Variants in ABLIM2 observed in about 807,000 individuals in gnomAD.
The protein encoded by ABLIM2 is actin binding LIM protein family member 2.
ABLIM2 carries 53 observed loss-of-function variants against 97.7 expected under a neutral mutation model. That is an observed-to-expected ratio of 0.54 (90% CI 0.44 to 0.68). ABLIM2 has a LOEUF of 0.68. ABLIM2 is among the 30% of genes least tolerant of loss of function. ABLIM2 has a pLI of 0.00. For synonymous variants in ABLIM2, 361 were observed against 345.8 expected, an observed-to-expected ratio of 1.04 and a Z score of -0.49; for missense variants, 835 against 867.2, an observed-to-expected ratio of 0.96 and a Z score of 0.47.
At chr4:8,059,079 C>T (rs558075984) in intron 7 of ABLIM2, among the ~76,000 whole-genome samples, 4 of 152,128 alleles carry the variant, frequency 2.6e-5, no homozygotes, top group South Asian at 2.1e-4. Flanking sequence ...TCTTCCTTAC[C>T]GGTTTTAATG....
chr4:8,048,460 C>A (rs924189100), intron 8 of ABLIM2, among the ~76,000 whole-genome samples: 6 of 152,124 alleles, frequency 3.9e-5, no homozygotes, highest in Admixed American at 2.0e-4. Flanking sequence ...ATGGTCTGAC[C>A]CCTCTCATCT....
At chr4:8,079,457 G>A (rs1048313964) in intron 5 of ABLIM2, among the ~76,000 whole-genome samples, 4 of 152,144 alleles carry the variant, frequency 2.6e-5, no homozygotes, top group East Asian at 1.9e-4. Flanking sequence ...CACACCGGGC[G>A]GTCCCTGGAT....
At chr4:7,969,805 G>A (rs1161581990) in intron 20 of ABLIM2, among the ~76,000 whole-genome samples, 1 of 149,676 alleles carries the variant, frequency 6.7e-6, no homozygotes, top group Non-Finnish European at 1.5e-5. Flanking sequence ...GAGGCCCTCA[G>A]CCGCCTGCTG....
intron 1 of ABLIM2, among the ~76,000 whole-genome samples, chr4:8,141,473 C>T (rs1280315414): frequency 6.6e-6 from 1 of 152,216 alleles, no homozygotes; most frequent in Non-Finnish European, 1.5e-5. Context: ...CAAACACATG[C>T]ACCAACATTT....
chr4:8,038,004 G>C (rs2151501379), intron 9 of ABLIM2, among the ~76,000 whole-genome samples: 1 of 152,258 alleles, frequency 6.6e-6, no homozygotes, highest in African/African-American at 2.4e-5. Context: ...CTGGCTCTGG[G>C]CTCCCCAGGA....
chr4:8,133,697 G>C (rs1160041617), intron 1 of ABLIM2, among the ~76,000 whole-genome samples: 1 of 152,186 alleles, frequency 6.6e-6, no homozygotes, highest in Non-Finnish European at 1.5e-5. Flanking sequence ...CTCCACCTGG[G>C]TCCATGCCCC....
rs55732267 is a variant in ABLIM2 at position 8,044,696 on chromosome 4, G to T, written c.900+468C>A. ...CTCTCTCTCTCTCTCTCTCTCGAAC[G>T]AACGAAAACGGGATCACATAATTTA... On this transcript the variant is annotated intron_variant, in intron 9 of 20. Transcript: ENST00000447017. This position sits in a 1 kb window ranked among gnomAD's most constrained non-coding sequence, Gnocchi z 4.4. Among the ~76,000 whole-genome samples the T allele has an allele frequency of 0.78, 116,902 of 150,812 alleles. 46,134 individuals carry two copies. The highest frequency in any genetic ancestry group is 0.93 in the African/African-American group (38,172 of 41,042).
intron 18 of ABLIM2, 34 bp from the exon 19 acceptor site, chr4:7,983,588 G>A (rs769506006): frequency 1.2e-6 from 2 of 1,611,008 alleles, no homozygotes; most frequent in Middle Eastern, 1.7e-4. Context: ...CCACGAAATG[G>A]TTTAGAAAGT....
Position 7,966,918 on chromosome 4 carries a change from G to T in ABLIM2, c.*72C>A. 5 of 932,812 alleles carry T rather than the reference G, an allele frequency of 5.4e-6. No homozygotes were observed. The highest frequency in any genetic ancestry group is 1.4e-5 in the South Asian group (1 of 72,176). The allele number at this position is 932,812 out of a possible 1,614,324, so 57.8% of individuals were successfully genotyped here. ...AGCCAGAGCAAGGTGTGTGGGAGGG[G>T]TGTGTGCGGTTCTCGCCAGGGGCCC... On this transcript the variant is annotated 3_prime_UTR_variant, in exon 21 of 21. Transcript: ENST00000447017.
chr4:7,982,473 G>C (rs1189739591), intron 20 of ABLIM2, among the ~76,000 whole-genome samples: 2 of 152,238 alleles, frequency 1.3e-5, no homozygotes, highest in African/African-American at 2.4e-5. Context: ...ACAGAGGATT[G>C]CACGTGCCAC....
At chr4:8,064,203 C>T (rs545387238) in intron 6 of ABLIM2, among the ~76,000 whole-genome samples, 11 of 152,346 alleles carry the variant, frequency 7.2e-5, no homozygotes, top group Admixed American at 1.3e-4. Flanking sequence ...AACCCTTTGT[C>T]CTTTGTCCAG....
rs4078524 is a variant in ABLIM2 at position 8,149,767 on chromosome 4, A to G, written c.10+8913T>C. Among the ~76,000 whole-genome samples, 6,922 of 151,976 alleles carry G rather than the reference A, an allele frequency of 0.046. 517 individuals carry two copies. Among genetic ancestry groups the G allele is most frequent in the African/African-American group, 0.16 (6,501 of 41,428 alleles). On this transcript the variant is annotated intron_variant, in intron 1 of 20. Coordinates refer to ENST00000447017, the MANE Select transcript of ABLIM2 (RefSeq NM_001130083.2). The surrounding 1 kb of genome is among the most constrained non-coding windows in gnomAD (Gnocchi z 6.4). The stretch of plus-strand genomic sequence containing the variant: ...AGGCTGTTGACTGCTGGACACAGAG[A>G]AGGCCCGGACCTAGGCTGAGACTTC...
rs1026606282 is a variant in ABLIM2, at chr4:8,015,437, G to A, written c.1423+4181C>T. On this transcript the variant is annotated intron_variant, in intron 14 of 20. Coordinates refer to ENST00000447017, the MANE Select transcript of ABLIM2 (RefSeq NM_001130083.2). This position sits in a 1 kb window ranked among gnomAD's most constrained non-coding sequence, Gnocchi z 4.6. ...GCAATCCGCACTCTGGACACAGCCTGCCGTTCCTCCCCATCCCGCCGGTCC... is the reference window on the plus strand; with the variant it reads ...GCAATCCGCACTCTGGACACAGCCTACCGTTCCTCCCCATCCCGCCGGTCC... Among the ~76,000 whole-genome samples, 3 of 152,070 alleles carry A rather than the reference G, an allele frequency of 2.0e-5. No homozygotes were observed. Among genetic ancestry groups the A allele is most frequent in the Non-Finnish European group, 2.9e-5 (2 of 68,018 alleles).
chr4:8,151,873 G>A (rs1013037848), intron 1 of ABLIM2, among the ~76,000 whole-genome samples: 41 of 151,702 alleles, frequency 2.7e-4, no homozygotes, highest in African/African-American at 9.5e-4. Flanking sequence ...TGGGGGAGTC[G>A]GAGCAGAGGG....
At position 8,075,655 on chromosome 4, in the gene ABLIM2, G is replaced by A. The variant is rs1001660606; in HGVS notation, c.675+1973C>T. Among the ~76,000 whole-genome samples, 12 of 152,056 alleles carry A rather than the reference G, an allele frequency of 7.9e-5. No individual in the cohort carries two copies. Among genetic ancestry groups the A allele is most frequent in the East Asian group, 1.9e-4 (1 of 5,182 alleles). ...TGCAGTGAGCTGTGATGACACCACCGCACTCCAGCCTGGGCAACTGAGTGA... is the reference window on the plus strand; with the variant it reads ...TGCAGTGAGCTGTGATGACACCACCACACTCCAGCCTGGGCAACTGAGTGA... On this transcript the variant is annotated intron_variant, in intron 6 of 20. Transcript: ENST00000447017. This position sits in a 1 kb window ranked among gnomAD's most constrained non-coding sequence, Gnocchi z 4.4.
chr4:8,096,669 G>C (rs1831759677), intron 3 of ABLIM2, among the ~76,000 whole-genome samples: 1 of 152,196 alleles, frequency 6.6e-6, no homozygotes, highest in African/African-American at 2.4e-5. Context: ...TCTCTTCTTT[G>C]TTTTCTAGAA....
chr4:8,136,701 A>G (rs1039210337), intron 1 of ABLIM2, among the ~76,000 whole-genome samples: 1 of 152,214 alleles, frequency 6.6e-6, no homozygotes, highest in Non-Finnish European at 1.5e-5. Flanking sequence ...GGCCGAGGGA[A>G]GCGGAGGAAG....
chr4:7,976,806 T>C (rs555444416), intron 20 of ABLIM2, among the ~76,000 whole-genome samples: 2 of 151,944 alleles, frequency 1.3e-5, no homozygotes, highest in East Asian at 1.9e-4. Context: ...CACATACACA[T>C]GTATACACAC....
At chr4:7,995,089 T>C (rs1279774377) in intron 16 of ABLIM2, among the ~76,000 whole-genome samples, 1 of 58,276 alleles carries the variant, frequency 1.7e-5, no homozygotes, top group African/African-American at 3.9e-5. Context: ...TCATCATCAC[T>C]GGCCATCAGA....
Sources: allele counts gnomAD v4.1 joint callset (sites outside exome capture counted in the v4.1 genomes callset), GRCh38; gene constraint gnomAD v4.1.1; non-coding constraint Gnocchi (gnomAD v3.1); transcripts MANE v1.5; gene names NCBI Gene and HGNC (gene_info 2026-07-23, HGNC 2026-07-21).